INPP5A: variants seen among roughly 807,000 people sequenced by gnomAD.
INPP5A encodes the protein inositol polyphosphate-5-phosphatase A, also known as 43 kDa inositol polyphosphate 5-phophatase.
In INPP5A, 14 loss-of-function variants were observed where a neutral mutation model predicts 65.2. The observed-to-expected ratio is 0.21, with a 90% CI of 0.14 to 0.34. The LOEUF (loss-of-function observed/expected upper bound fraction) is 0.34, where lower values mean the gene tolerates loss of function less well. Among genes scored for constraint, INPP5A ranks in the 10% least tolerant of loss-of-function variants. The probability of loss-of-function intolerance (pLI) is 1.00; values close to 1 mark genes in which losing one functional copy is unlikely to be tolerated. For synonymous variants in INPP5A, 207 were observed against 208.3 expected, an observed-to-expected ratio of 0.99 and a Z score of 0.05; for missense variants, 431 against 545.6, an observed-to-expected ratio of 0.79 and a Z score of 2.09.
At chr10:132,582,474 A>G (rs2071496657) in intron 1 of INPP5A, among the ~76,000 whole-genome samples, 1 of 148,088 alleles carries the variant, frequency 6.8e-6, no homozygotes, top group South Asian at 2.1e-4. Context: ...AGGCTGAAGT[A>G]CAGTGGCAAC....
At chr10:132,594,151 T>A (rs143433441) in intron 1 of INPP5A, among the ~76,000 whole-genome samples, 1 of 152,350 alleles carries the variant, frequency 6.6e-6, no homozygotes, top group East Asian at 1.9e-4. Flanking sequence ...CCTGTTTATA[T>A]GCCAATGTTA....
chr10:132,707,337 C>T lies in INPP5A; in HGVS notation c.475-976C>T, dbSNP rs143201655. Among the ~76,000 whole-genome samples, 1,100 of 146,180 alleles carry T rather than the reference C, an allele frequency of 7.5e-3. 5 individuals are homozygous for T. The highest frequency in any genetic ancestry group is 0.022 in the East Asian group (88 of 3,990). On this transcript the variant is annotated intron_variant, in intron 6 of 15. Coordinates refer to ENST00000368594, the MANE Select transcript of INPP5A (RefSeq NM_005539.5). This position sits in a 1 kb window ranked among gnomAD's most constrained non-coding sequence, Gnocchi z 5.5. ...CCTGCCCTGTTGGCTGCCGTTCCCC[C>T]GCCACTGCCTGAAGCGCTTTGCTTT... is the stretch of plus-strand genomic sequence containing the variant.
At chr10:132,672,493 A>C (rs1335116422) in intron 4 of INPP5A, among the ~76,000 whole-genome samples, 1 of 152,100 alleles carries the variant, frequency 6.6e-6, no homozygotes, top group Non-Finnish European at 1.5e-5. Flanking sequence ...TGGTTTTACA[A>C]AGAGGAGTTT....
At chr10:132,736,516 C>T (rs1487398833) in intron 9 of INPP5A, among the ~76,000 whole-genome samples, 8 of 152,204 alleles carry the variant, frequency 5.3e-5, no homozygotes, top group Non-Finnish European at 8.8e-5. Context: ...GGGCTGACGT[C>T]GCAAGGAGAC....
chr10:132,629,157 CG>C (rs1392890707), intron 2 of INPP5A, among the ~76,000 whole-genome samples: 3 of 152,170 alleles, frequency 2.0e-5, no homozygotes, highest in African/African-American at 7.2e-5. Flanking sequence ...GGCTGCCTGA[CG>C]TGTGTCCCCA....
intron 2 of INPP5A, among the ~76,000 whole-genome samples, chr10:132,636,447 C>T (rs2072353703): frequency 6.6e-6 from 1 of 152,208 alleles, no homozygotes; most frequent in South Asian, 2.1e-4. Flanking sequence ...CACAAAACTG[C>T]ACTGTACCCC....
chr10:132,656,895 G>A (rs1403104352), intron 4 of INPP5A, among the ~76,000 whole-genome samples: 3 of 152,222 alleles, frequency 2.0e-5, no homozygotes, highest in Admixed American at 6.5e-5. Context: ...GTGGGGAACC[G>A]TGGGACCCCA....
rs940033040 is a variant in INPP5A, at chr10:132,616,411, C to T, written c.117+8455C>T. ...GTGAGGTATGTGGCGTGCGGGGACG[C>T]CGTGGGCGTGGTGTGGGATATGTGG... On this transcript the variant is annotated intron_variant, in intron 2 of 15. Transcript: ENST00000368594. This position sits in a 1 kb window ranked among gnomAD's most constrained non-coding sequence, Gnocchi z 4.9. Among the ~76,000 whole-genome samples the T allele has an allele frequency of 2.0e-5, 3 of 151,078 alleles. No individual in the cohort carries two copies. The highest frequency in any genetic ancestry group is 4.4e-5 in the Non-Finnish European group (3 of 67,778).
chr10:132,627,654 G>C lies in INPP5A; in HGVS notation c.118-18214G>C, dbSNP rs975247838. ...TTCCAGGAATCGTGGTGAAAGCAGC[G>C]AGCACAGTGTGGTCCGGGGCTGGGG... On this transcript the variant is annotated intron_variant, in intron 2 of 15. Coordinates refer to ENST00000368594, the MANE Select transcript of INPP5A (RefSeq NM_005539.5). The surrounding 1 kb of genome is among the most constrained non-coding windows in gnomAD (Gnocchi z 6.6). 1.3e-5 allele frequency among the ~76,000 whole-genome samples: 2 copies of C among 152,168 alleles called. No individual in the cohort carries two copies. The highest frequency in any genetic ancestry group is 1.3e-4 in the Admixed American group (2 of 15,286).
At chr10:132,750,543 C>T (rs1445295156) in intron 11 of INPP5A, among the ~76,000 whole-genome samples, 2 of 152,242 alleles carry the variant, frequency 1.3e-5, no homozygotes, top group African/African-American at 4.8e-5. Flanking sequence ...TACACACTCT[C>T]TTTACAATTT....
intron 13 of INPP5A, among the ~76,000 whole-genome samples, chr10:132,780,482 C>T (rs1035245790): frequency 6.6e-6 from 1 of 152,264 alleles, no homozygotes; most frequent in Admixed American, 6.5e-5. Flanking sequence ...GCACACACTC[C>T]TGTGAACAGG....
chr10:132,543,396 CT>C (rs2070931514), intron 1 of INPP5A, among the ~76,000 whole-genome samples: 1 of 152,118 alleles, frequency 6.6e-6, no homozygotes, highest in Non-Finnish European at 1.5e-5. Flanking sequence ...TGCGTCAGTC[CT>C]GCATTTCTTC....
At chr10:132,682,417 A>G (rs2073060037) in intron 4 of INPP5A, among the ~76,000 whole-genome samples, 1 of 152,278 alleles carries the variant, frequency 6.6e-6, no homozygotes. Context: ...ATTTTACCAC[A>G]GCCACACAGT....
At position 132,550,351 on chromosome 10, in the gene INPP5A, T is replaced by G. The variant is rs2071034431; in HGVS notation, c.75+12180T>G. The stretch of plus-strand genomic sequence containing the variant: ...AGTCCCTGTCCTCTCCAGCGACCGC[T>G]CTCTCCTGGGTGTCAGTGGTTTTTG... On this transcript the variant is annotated intron_variant, in intron 1 of 15. Transcript: ENST00000368594. This position sits in a 1 kb window ranked among gnomAD's most constrained non-coding sequence, Gnocchi z 4.2. 6.6e-6 allele frequency among the ~76,000 whole-genome samples: 1 copy of G among 152,184 alleles called. No homozygotes were observed. The highest frequency in any genetic ancestry group is 6.5e-5 in the Admixed American group (1 of 15,284).
intron 8 of INPP5A, among the ~76,000 whole-genome samples, chr10:132,719,920 G>C (rs376209448): frequency 6.7e-6 from 1 of 149,406 alleles, no homozygotes; most frequent in Non-Finnish European, 1.5e-5. Flanking sequence ...GTTCTGTCTG[G>C]GCACCTTAGA....
intron 4 of INPP5A, among the ~76,000 whole-genome samples, chr10:132,682,775 T>C (rs12762231): frequency 0.16 from 24,331 of 151,812 alleles, 2,317 homozygotes; most frequent in Admixed American, 0.27. Context: ...TATATACATA[T>C]GCACTCATGT....
intron 5 of INPP5A, 112 bp downstream of exon 5, chr10:132,690,567 G>C (rs1845242493): frequency 1.3e-6 from 1 of 799,614 alleles, no homozygotes; most frequent in African/African-American, 1.7e-5. Flanking sequence ...TGTGGGCTGG[G>C]TGTCTTGAGC....
At chr10:132,719,036 C>A (rs1402135585) in intron 8 of INPP5A, among the ~76,000 whole-genome samples, 3 of 144,410 alleles carry the variant, frequency 2.1e-5, no homozygotes, top group African/African-American at 7.8e-5. Context: ...TTCTGTGGTA[C>A]CTGGGTTCTG....
chr10:132,767,680 C>T (rs1397146707), intron 12 of INPP5A, among the ~76,000 whole-genome samples: 1 of 152,170 alleles, frequency 6.6e-6, no homozygotes, highest in Non-Finnish European at 1.5e-5. Flanking sequence ...CCCAGAGAGC[C>T]CCTCGCGCCC....
Sources: gnomAD v4.1 joint callset for allele counts (sites outside exome capture counted in the v4.1 genomes callset) on GRCh38, gnomAD v4.1.1 for gene constraint, Gnocchi (gnomAD v3.1) non-coding constraint, MANE v1.5 for transcripts, NCBI Gene and HGNC (gene_info 2026-07-23, HGNC 2026-07-21) for gene names.